TNNI3K: variants seen among roughly 807,000 people sequenced by gnomAD.
TNNI3K encodes the protein TNNI3 interacting kinase.
A neutral mutation model predicts 114.5 loss-of-function variants in TNNI3K; 140 were observed. The ratio of observed to expected loss-of-function variants is 1.22; its 90% CI spans 1.07 to 1.41. The LOEUF (loss-of-function observed/expected upper bound fraction) is 1.41, where lower values mean the gene tolerates loss of function less well. TNNI3K is among the 40% of genes most tolerant of loss of function. The pLI is 0.00. For synonymous variants in TNNI3K, 347 were observed against 347.5 expected, an observed-to-expected ratio of 1.00 and a Z score of 0.02; for missense variants, 1,125 against 1,007.6, an observed-to-expected ratio of 1.12 and a Z score of -1.58.
chr1:74,247,371 G>C (rs959759166), intron 2 of TNNI3K, among the ~76,000 whole-genome samples: 3 of 152,172 alleles, frequency 2.0e-5, no homozygotes, highest in Non-Finnish European at 4.4e-5. Context: ...AGGCCTTCAT[G>C]GTGAGTGTTA....
intron 11 of TNNI3K, 138 bp downstream of exon 11, chr1:74,354,267 G>T (rs189254926): frequency 2.1e-6 from 3 of 1,419,014 alleles, no homozygotes; most frequent in Non-Finnish European, 2.8e-6. Context: ...AGTTTCTGGG[G>T]CCTTGGATCA....
At chr1:74,451,899 G>A (rs1667045642) in intron 20 of TNNI3K, among the ~76,000 whole-genome samples, 1 of 151,492 alleles carries the variant, frequency 6.6e-6, no homozygotes, top group Non-Finnish European at 1.5e-5. Flanking sequence ...CAAACTGCCA[G>A]CTTTATCATT....
chr1:74,524,772 AAAAG>A (rs1646481355), intron 23 of TNNI3K, among the ~76,000 whole-genome samples: 1 of 151,972 alleles, frequency 6.6e-6, no homozygotes, highest in Admixed American at 6.6e-5. Flanking sequence ...AAAAAAATGA[AAAAG>A]AAAGGAAGTA....
At chr1:74,438,972 A>T (rs1057454250) in intron 19 of TNNI3K, 1 of 152,088 alleles carries the variant, frequency 6.6e-6, no homozygotes, top group Non-Finnish European at 1.5e-5. Context: ...TTCTCTCCTC[A>T]GCCATGAGCA....
intron 5 of TNNI3K, among the ~76,000 whole-genome samples, chr1:74,296,590 G>T (rs991616479): frequency 2.6e-5 from 4 of 151,986 alleles, no homozygotes; most frequent in African/African-American, 9.6e-5. Context: ...ACATGTTCTT[G>T]AATATTTCCT....
intron 23 of TNNI3K, among the ~76,000 whole-genome samples, chr1:74,507,223 A>C (rs201094934): frequency 0.016 from 1,908 of 120,044 alleles, no homozygotes; most frequent in Middle Eastern, 0.027. Flanking sequence ...AAATTTCTTC[A>C]CCCCCCCCCC....
chr1:74,514,772 G>A (rs1230424909), intron 23 of TNNI3K, among the ~76,000 whole-genome samples: 3 of 152,034 alleles, frequency 2.0e-5, no homozygotes, highest in Admixed American at 2.0e-4. Flanking sequence ...AAATGTGAAG[G>A]GGTATTGTGG....
chr1:74,369,350 C>A, intron 15 of TNNI3K, 41 bp from the exon 16 acceptor site: 1 of 1,606,250 alleles, frequency 6.2e-7, no homozygotes, highest in African/African-American at 1.3e-5. Context: ...TTGTTTGGAT[C>A]CATCTGTTTA....
At chr1:74,245,091 A>G (rs954184340) in intron 2 of TNNI3K, among the ~76,000 whole-genome samples, 7 of 152,216 alleles carry the variant, frequency 4.6e-5, no homozygotes, top group African/African-American at 1.7e-4. Flanking sequence ...CTCACACACA[A>G]AATCTCACAT....
At chr1:74,323,283 T>C (rs983727450) in intron 5 of TNNI3K, among the ~76,000 whole-genome samples, 2 of 152,200 alleles carry the variant, frequency 1.3e-5, no homozygotes, top group African/African-American at 2.4e-5. Context: ...TTTTGGTGCC[T>C]TTGTGCTCTC....
At chr1:74,255,303 G>A (rs1336051177) in intron 4 of TNNI3K, among the ~76,000 whole-genome samples, 1 of 145,426 alleles carries the variant, frequency 6.9e-6, no homozygotes, top group Non-Finnish European at 1.5e-5. Flanking sequence ...GCAGTGAGCC[G>A]AGATCCCGCC....
intron 23 of TNNI3K, among the ~76,000 whole-genome samples, chr1:74,518,520 T>A (rs1482307184): frequency 1.3e-5 from 2 of 152,150 alleles, no homozygotes; most frequent in African/African-American, 2.4e-5. Flanking sequence ...GCCTTCTTTT[T>A]AGGGTGGCTC....
chr1:74,261,955 C>T (rs1655700779), intron 4 of TNNI3K, among the ~76,000 whole-genome samples: 1 of 151,994 alleles, frequency 6.6e-6, no homozygotes, highest in Non-Finnish European at 1.5e-5. Context: ...GCTTACCAGA[C>T]CTAGGTATTT....
intron 17 of TNNI3K, among the ~76,000 whole-genome samples, chr1:74,409,776 G>A (rs1015852451): frequency 6.6e-6 from 1 of 152,108 alleles, no homozygotes; most frequent in Non-Finnish European, 1.5e-5. Context: ...TTACAGGCGT[G>A]AGCCACCACG....
Position 74,249,485 on chromosome 1 carries a change from A to T in TNNI3K, c.176A>T (p.Asn59Ile). The T allele has an allele frequency of 1.2e-6, 2 of 1,613,672 alleles. No homozygotes were observed. The highest frequency in any genetic ancestry group is 1.7e-6 in the Non-Finnish European group (2 of 1,179,820). The part of the protein sequence containing the change: ...FGSDEAFSKV[N>I]LNYRTENGLS... ...TCTGATGAAGCCTTCAGTAAAGTCA[A>T]TTTAAATTACCGCACTGAAAATGGG... The change falls in exon 3 of 25, where the codon AAT becomes ATT. Residue 59 changes from asparagine (N) to isoleucine (I), a missense_variant. Physicochemically the swap from Asn to Ile is moderately radical, Grantham distance 149. Coordinates refer to ENST00000326637, the MANE Select transcript of TNNI3K (RefSeq NM_015978.3).
chr1:74,415,249 G>C (rs964825056), intron 17 of TNNI3K, among the ~76,000 whole-genome samples: 4 of 151,964 alleles, frequency 2.6e-5, no homozygotes, highest in Admixed American at 1.3e-4. Context: ...GTCCTTCCCT[G>C]ACCATTATAG....
At chr1:74,490,666 C>T (rs1380375029) in intron 22 of TNNI3K, among the ~76,000 whole-genome samples, 1 of 152,204 alleles carries the variant, frequency 6.6e-6, no homozygotes, top group African/African-American at 2.4e-5. Context: ...TGCGCAGTTT[C>T]ATAAGACCTT....
At chr1:74,482,478 C>T (rs764442920) in intron 21 of TNNI3K, among the ~76,000 whole-genome samples, 68 of 152,230 alleles carry the variant, frequency 4.5e-4, no homozygotes, top group Non-Finnish European at 9.0e-4. Flanking sequence ...TGATTAGAAA[C>T]GATATACACA....
chr1:74,429,065 G>A (rs1302877245), intron 17 of TNNI3K, among the ~76,000 whole-genome samples: 3 of 152,040 alleles, frequency 2.0e-5, no homozygotes, highest in Non-Finnish European at 4.4e-5. Flanking sequence ...AACAGCCTCA[G>A]GTAGTTCCTG....
Sources: gnomAD v4.1 joint callset for allele counts (sites outside exome capture counted in the v4.1 genomes callset) on GRCh38, gnomAD v4.1.1 for gene constraint, MANE v1.5 for transcripts, NCBI Gene and HGNC (gene_info 2026-07-23, HGNC 2026-07-21) for gene names.